Variants in SNX29 observed in about 807,000 individuals in gnomAD.
The protein encoded by SNX29 is sorting nexin 29.
Under a neutral mutation model 102.1 loss-of-function variants are expected in SNX29, and 78 were observed. The observed-to-expected ratio is 0.76, with a 90% CI of 0.64 to 0.92. The LOEUF (loss-of-function observed/expected upper bound fraction) is 0.92. SNX29 is among the 40% of genes least tolerant of loss of function. The pLI, the probability that SNX29 is intolerant of heterozygous loss-of-function variation, is 0.00. For synonymous variants in SNX29, 580 were observed against 414.5 expected (o/e 1.40, Z -4.85); for missense variants, 1,280 against 1,061.7 (o/e 1.21, Z -2.86).
intron 20 of SNX29, among the ~76,000 whole-genome samples, chr16:12,536,704 G>C (rs529630100): frequency 1.3e-5 from 2 of 152,306 alleles, no homozygotes; most frequent in Non-Finnish European, 2.9e-5. Context: ...GGGGCTGGAC[G>C]TGGTGGCTCA....
intron 15 of SNX29, among the ~76,000 whole-genome samples, chr16:12,337,976 T>TC (rs2081503033): frequency 2.6e-5 from 4 of 152,138 alleles, no homozygotes; most frequent in Non-Finnish European, 4.4e-5. Context: ...AGTGCTGCGG[T>TC]CTTTGGGTTG....
At chr16:12,288,871 G>A (rs1391344825) in intron 15 of SNX29, among the ~76,000 whole-genome samples, 1 of 152,092 alleles carries the variant, frequency 6.6e-6, no homozygotes, top group Non-Finnish European at 1.5e-5. Flanking sequence ...GGCTAGCATA[G>A]GTAGAAGCAA....
At position 12,542,621 on chromosome 16, in the gene SNX29, G is replaced by A. The variant is rs368631730; in HGVS notation, c.2318+17780G>A. Among the ~76,000 whole-genome samples the A allele has an allele frequency of 1.2e-3, 190 of 152,284 alleles. 2 individuals are homozygous for A. The highest frequency in any genetic ancestry group is 5.8e-3 in the South Asian group (28 of 4,824). ...TGCTGGGATTACAGGCGTGAGCCAC[G>A]GCACCCAGTGTGGGTCTAACACTTA... On this transcript the variant is annotated intron_variant, in intron 20 of 20. Transcript: ENST00000566228.
chr16:12,272,569 G>A (rs1020679564), intron 14 of SNX29, among the ~76,000 whole-genome samples: 1 of 152,234 alleles, frequency 6.6e-6, no homozygotes, highest in Non-Finnish European at 1.5e-5. Flanking sequence ...ATGGCTAAGT[G>A]CAGGCTCCCC....
intron 14 of SNX29, among the ~76,000 whole-genome samples, chr16:12,218,696 C>T (rs2077390500): frequency 6.6e-6 from 1 of 152,152 alleles, no homozygotes; most frequent in Non-Finnish European, 1.5e-5. Context: ...TATTAGAGTC[C>T]ATCATGTGGC....
At chr16:12,243,635 A>G (rs2078176586) in intron 14 of SNX29, among the ~76,000 whole-genome samples, 1 of 152,080 alleles carries the variant, frequency 6.6e-6, no homozygotes, top group Non-Finnish European at 1.5e-5. Flanking sequence ...TGGCCCAGAC[A>G]TTTTGGGGCA....
chr16:12,089,737 G>A, intron 11 of SNX29: 1 of 264,544 alleles, frequency 3.8e-6, no homozygotes, highest in Non-Finnish European at 7.7e-6. Flanking sequence ...GCCAGTGGAG[G>A]ACTTGAAGCA....
Position 12,507,257 on chromosome 16 carries a change from C to T in SNX29, c.2179-17445C>T, listed in dbSNP as rs367808882. ...TCCCATCACATCAAAGCACTTAGCACGGTGCCTGGCATTGAGCAGGCCCTC... is the reference window on the plus strand; with the variant it reads ...TCCCATCACATCAAAGCACTTAGCATGGTGCCTGGCATTGAGCAGGCCCTC... On this transcript the variant is annotated intron_variant, in intron 19 of 20. Coordinates refer to ENST00000566228, the MANE Select transcript of SNX29 (RefSeq NM_032167.5). Among the ~76,000 whole-genome samples the T allele has an allele frequency of 4.6e-5, 7 of 152,296 alleles. No individual in the cohort carries two copies. In the East Asian group the frequency reaches 9.6e-4, roughly 21 times the overall value.
chr16:12,315,739 T>A (rs2080711814), intron 15 of SNX29, among the ~76,000 whole-genome samples: 1 of 152,202 alleles, frequency 6.6e-6, no homozygotes, highest in Admixed American at 6.5e-5. Context: ...GTCTGTGGTA[T>A]TTTGTTACCA....
intron 14 of SNX29, among the ~76,000 whole-genome samples, chr16:12,237,378 C>T (rs1227119904): frequency 6.6e-6 from 1 of 152,200 alleles, no homozygotes; most frequent in African/African-American, 2.4e-5. Context: ...TATCTCTAAG[C>T]CTCCCAGATT....
intron 19 of SNX29, among the ~76,000 whole-genome samples, chr16:12,478,633 G>C (rs577910779): frequency 6.6e-6 from 1 of 152,136 alleles, no homozygotes; most frequent in South Asian, 2.1e-4. Context: ...GGTCTAGACC[G>C]GGCTTGGAGC....
intron 11 of SNX29, among the ~76,000 whole-genome samples, chr16:12,121,064 T>C (rs937009215): frequency 1.3e-5 from 2 of 152,328 alleles, no homozygotes; most frequent in African/African-American, 4.8e-5. Flanking sequence ...GTCATTCATT[T>C]GTTTATCAAT....
chr16:12,063,022 T>G (rs948850710), intron 9 of SNX29, among the ~76,000 whole-genome samples: 1 of 152,194 alleles, frequency 6.6e-6, no homozygotes, highest in African/African-American at 2.4e-5. Flanking sequence ...ACAGTGACAA[T>G]GAGAGCCAGC....
At chr16:12,103,991 G>C (rs1485497612) in intron 11 of SNX29, among the ~76,000 whole-genome samples, 2 of 152,146 alleles carry the variant, frequency 1.3e-5, no homozygotes, top group African/African-American at 2.4e-5. Context: ...TGCTAAAAAA[G>C]ATGAACTACA....
intron 20 of SNX29, among the ~76,000 whole-genome samples, chr16:12,531,597 A>C (rs551143323): frequency 2.0e-5 from 3 of 152,256 alleles, no homozygotes; most frequent in Admixed American, 6.5e-5. Context: ...GAGGACGGTG[A>C]GAGTTGAGTA....
intron 14 of SNX29, among the ~76,000 whole-genome samples, chr16:12,260,191 G>C (rs1331224254): frequency 2.0e-5 from 3 of 152,172 alleles, no homozygotes; most frequent in Non-Finnish European, 4.4e-5. Context: ...TGAAACATGA[G>C]ACTTTGCCTT....
chr16:12,431,079 T>G (rs369878925), intron 18 of SNX29, among the ~76,000 whole-genome samples: 3 of 152,296 alleles, frequency 2.0e-5, no homozygotes, highest in East Asian at 3.9e-4. Flanking sequence ...CTCGAACTCC[T>G]GATCTCAGGT....
At chr16:12,409,934 A>G (rs1035336189) in intron 18 of SNX29, among the ~76,000 whole-genome samples, 2 of 152,266 alleles carry the variant, frequency 1.3e-5, no homozygotes, top group South Asian at 2.1e-4. Context: ...AACAGAACCG[A>G]TTAGATCTTC....
intron 15 of SNX29, among the ~76,000 whole-genome samples, chr16:12,298,148 C>T (rs1021706996): frequency 2.0e-5 from 3 of 152,174 alleles, no homozygotes; most frequent in Admixed American, 6.5e-5. Context: ...CCAGCCTGGG[C>T]AACAGAGCGA....
Sources: allele counts gnomAD v4.1 joint callset (sites outside exome capture counted in the v4.1 genomes callset), GRCh38; gene constraint gnomAD v4.1.1; transcripts MANE v1.5; gene names NCBI Gene and HGNC (gene_info 2026-07-23, HGNC 2026-07-21).